Variants in RGPD2 observed in about 807,000 individuals in gnomAD.
RGPD2 encodes the protein RANBP2 like and GRIP domain containing 2, also known as RANBP2-like and GRIP domain-containing protein 2.
A neutral mutation model predicts 36.0 loss-of-function variants in RGPD2; 2 were observed. That is an observed-to-expected ratio of 0.06 (90% CI 0.02 to 0.17). The LOEUF is 0.17. Among genes scored for constraint, RGPD2 ranks in the 10% least tolerant of loss-of-function variants. The pLI is 1.00. For synonymous variants in RGPD2, 19 were observed against 163.8 expected, an observed-to-expected ratio of 0.12 and a Z score of 6.75; for missense variants, 40 against 464.3, an observed-to-expected ratio of 0.09 and a Z score of 8.40.
chr2:87,905,553 G>A, the RGPD2 span, among the ~76,000 whole-genome samples: 3 of 150,744 alleles, frequency 2.0e-5, no homozygotes, highest in African/African-American at 4.9e-5. Flanking sequence ...TTCAGTGTAC[G>A]ATTCAATCAT....
the RGPD2 span, among the ~76,000 whole-genome samples, chr2:87,978,192 T>C: frequency 6.6e-6 from 1 of 151,858 alleles, no homozygotes; most frequent in Non-Finnish European, 1.5e-5. Flanking sequence ...TCAAAGACAC[T>C]GTTAAAGCCA....
chr2:87,881,807 G>A, the RGPD2 span, among the ~76,000 whole-genome samples: 2 of 152,032 alleles, frequency 1.3e-5, no homozygotes, highest in Admixed American at 6.6e-5. Flanking sequence ...TTCTTGTATT[G>A]CTATAAGGAA....
the RGPD2 span, among the ~76,000 whole-genome samples, chr2:87,958,302 T>C: frequency 6.6e-6 from 1 of 152,280 alleles, no homozygotes; most frequent in African/African-American, 2.4e-5. Flanking sequence ...AAACCAGTAA[T>C]TACTATTTTA....
chr2:87,834,610 T>C, the RGPD2 span, among the ~76,000 whole-genome samples: 2,684 of 152,022 alleles, frequency 0.018, 84 homozygotes, highest in African/African-American at 0.061. Flanking sequence ...TATGAAACAA[T>C]TGGATATGAA....
the RGPD2 span, among the ~76,000 whole-genome samples, chr2:87,882,414 C>T: frequency 1.2e-4 from 19 of 152,270 alleles, no homozygotes; most frequent in East Asian, 3.9e-4. Context: ...ACACTAGTTA[C>T]GCAGGGTTAT....
chr2:87,964,783 C>A, the RGPD2 span, among the ~76,000 whole-genome samples: 1 of 124,714 alleles, frequency 8.0e-6, no homozygotes, highest in Non-Finnish European at 1.8e-5. Flanking sequence ...TAAAGCATGA[C>A]AAAATAATGA....
chr2:87,885,885 T>C, the RGPD2 span, among the ~76,000 whole-genome samples: 5 of 151,902 alleles, frequency 3.3e-5, no homozygotes, highest in African/African-American at 7.3e-5. Flanking sequence ...AACTTCTAAA[T>C]GCTACCCCTG....
At chr2:87,897,491 C>T in the RGPD2 span, among the ~76,000 whole-genome samples, 1 of 151,714 alleles carries the variant, frequency 6.6e-6, no homozygotes, top group South Asian at 2.1e-4. Flanking sequence ...TTTTAGGTTC[C>T]GAGGTACATG....
chr2:87,897,534 C>T, the RGPD2 span, among the ~76,000 whole-genome samples: 6 of 151,954 alleles, frequency 3.9e-5, no homozygotes, highest in African/African-American at 1.5e-4. Context: ...CATAGGTAAA[C>T]ATGTTTCATG....
the RGPD2 span, among the ~76,000 whole-genome samples, chr2:87,911,388 G>A: frequency 4.0e-5 from 6 of 148,242 alleles, no homozygotes; most frequent in African/African-American, 7.4e-5. Flanking sequence ...CTTAAACTGC[G>A]GTGAATGTTT....
chr2:87,830,503 C>A (rs1479011847), upstream of RGPD2, among the ~76,000 whole-genome samples: 1 of 152,128 alleles, frequency 6.6e-6, no homozygotes, highest in Non-Finnish European at 1.5e-5. Flanking sequence ...CTCTTTCAAC[C>A]TCTGCCTGTT....
intron 22 of RGPD2, among the ~76,000 whole-genome samples, chr2:87,759,103 G>A (rs1372391876): frequency 3.8e-5 from 5 of 130,338 alleles, no homozygotes; most frequent in Admixed American, 1.6e-4. Flanking sequence ...CACAACCTCC[G>A]CCTCCGGGTT....
the RGPD2 span, among the ~76,000 whole-genome samples, chr2:87,988,542 T>TATATATATATATA: frequency 0.062 from 2,278 of 36,836 alleles, 90 homozygotes; most frequent in African/African-American, 0.16. Context: ...TATATATATA[T>TATATATATATATA]TTTTTTTTTT....
the RGPD2 span, among the ~76,000 whole-genome samples, chr2:87,911,204 C>T: frequency 8.0e-5 from 10 of 125,218 alleles, no homozygotes; most frequent in African/African-American, 2.4e-4. Flanking sequence ...TATGCTGGAC[C>T]GTAAACTGAG....
intron 1 of RGPD2, among the ~76,000 whole-genome samples, chr2:87,824,770 CGGCCA>C: frequency 1.1e-5 from 1 of 89,758 alleles, no homozygotes; most frequent in Non-Finnish European, 2.3e-5. Flanking sequence ...CGCCGCCGCC[CGGCCA>C]GGCCGAGGCC....
chr2:87,979,277 G>C, the RGPD2 span, among the ~76,000 whole-genome samples: 1,649 of 105,790 alleles, frequency 0.016, 97 homozygotes, highest in East Asian at 0.1. Flanking sequence ...AGACTTGCCA[G>C]TGAATTTTGG....
intron 4 of RGPD2, among the ~76,000 whole-genome samples, chr2:87,814,815 C>T (rs534004899): frequency 0.12 from 884 of 7,256 alleles, 76 homozygotes; most frequent in Admixed American, 0.14. Flanking sequence ...AGGAGAATTG[C>T]TTGAACCTGG....
At chr2:87,989,201 A>G in the RGPD2 span, 1 of 398,210 alleles carries the variant, frequency 2.5e-6, no homozygotes, top group African/African-American at 2.2e-5. Flanking sequence ...AGTAAATAAA[A>G]TCTGTGCATT....
the RGPD2 span, among the ~76,000 whole-genome samples, chr2:87,921,927 C>A: frequency 3.4e-3 from 511 of 151,594 alleles, 2 homozygotes; most frequent in African/African-American, 0.012. Context: ...CTAGGCATAG[C>A]AAAAGGAAAC....
Sources: allele counts gnomAD v4.1 joint callset (sites outside exome capture counted in the v4.1 genomes callset), GRCh38; gene constraint gnomAD v4.1.1; transcripts MANE v1.5; gene names NCBI Gene and HGNC (gene_info 2026-07-23, HGNC 2026-07-21).